The following ZNF354A variants were observed in gnomAD, a reference collection of about 807,000 sequenced individuals.
ZNF354A encodes the protein epididymis luminal protein 104.
In ZNF354A, 25 loss-of-function variants were observed where a neutral mutation model predicts 53.3. The ratio of observed to expected loss-of-function variants is 0.47; its 90% CI spans 0.34 to 0.66. The LOEUF is 0.66. Ranked by LOEUF, ZNF354A falls within the 30% of genes least tolerant of loss-of-function variation. ZNF354A has a pLI of 0.01. For missense variants in ZNF354A, 586 were observed against 716.8 expected (o/e 0.82, Z 2.08); for synonymous variants, 228 against 249.0 (o/e 0.92, Z 0.79).
chr5:178,722,936 G>A lies in ZNF354A; in HGVS notation c.256+2440C>T, dbSNP rs186401802. On this transcript the variant is annotated intron_variant, in intron 4 of 4. Coordinates refer to ENST00000335815, the MANE Select transcript of ZNF354A (RefSeq NM_005649.3). ...AAGGAAGTGAGCGAGCCACATGGAC[G>A]CATGACCGCCACGAAGAACAGTCCC... Among the ~76,000 whole-genome samples the A allele has an allele frequency of 2.3e-3, 354 of 152,312 alleles. 2 individuals carry two copies. Among genetic ancestry groups the A allele is most frequent in the Middle Eastern group, 6.8e-3 (2 of 294 alleles).
chr5:178,726,871 G>A, intron 3 of ZNF354A, 128 bp downstream of exon 3: 1 of 1,359,276 alleles, frequency 7.4e-7, no homozygotes, highest in Non-Finnish European at 1.0e-6. Context: ...TATTTATAAA[G>A]ATCTGATTTG....
chr5:178,713,506 C>A lies in ZNF354A; in HGVS notation c.372G>T (p.Lys124Asn). ...RNVPWDLKLE[K>N]PYIYEGRLEK... ...CTAATCTGCCTTCATATATGTAAGG[C>A]TTTTCTAATTTCAAATCCCAAGGTA... The change falls in exon 5 of 5, where the codon AAG (lysine) becomes AAT (asparagine). Residue 124 changes from lysine to asparagine, a missense_variant. Physicochemically the swap from Lys to Asn is moderately conservative, Grantham distance 94. This residue lies in a region of ZNF354A where 573 missense variants were observed against 680.1 expected (regional missense o/e 0.84). Coordinates refer to ENST00000335815, the MANE Select transcript of ZNF354A (RefSeq NM_005649.3). The A allele has an allele frequency of 1.2e-6, 2 of 1,613,504 alleles. No homozygotes were observed. The highest frequency in any genetic ancestry group is 8.5e-7 in the Non-Finnish European group (1 of 1,179,948).
chr5:178,718,916 A>T (rs749188003), intron 4 of ZNF354A, among the ~76,000 whole-genome samples: 25 of 152,160 alleles, frequency 1.6e-4, no homozygotes, highest in Non-Finnish European at 2.6e-4. Context: ...TATCTTGCGT[A>T]GTGACAGGGT....
At chr5:178,714,249 C>T (rs564629293) in intron 4 of ZNF354A, among the ~76,000 whole-genome samples, 281 of 152,096 alleles carry the variant, frequency 1.8e-3, no homozygotes, top group Non-Finnish European at 3.4e-3. Context: ...AAGTGATCTA[C>T]CCACCTCGGC....
Position 178,712,132 on chromosome 5 carries a change from T to G in ZNF354A, c.1746A>C (p.Thr582=). ...ACCTATGGTTGAAAAGTTTCCCACA[T>G]GTATTACATTCATAGGGTTTCTCTC... The part of the protein sequence containing the change: ...HTGEKPYECN[T]CGKLFNHRSS... The change falls in exon 5 of 5, where the codon ACA becomes ACC. Residue 582 remains threonine, a synonymous_variant. Transcript: ENST00000335815. 6.2e-7 allele frequency: 1 copy of G among 1,613,786 alleles called. No individual in the cohort carries two copies. The highest frequency in any genetic ancestry group is 8.5e-7 in the Non-Finnish European group (1 of 1,179,780).
At position 178,712,862 on chromosome 5, in the gene ZNF354A, G is replaced by A. The variant is rs374828273; in HGVS notation, c.1016C>T (p.Thr339Ile). The A allele has an allele frequency of 4.3e-6, 7 of 1,614,024 alleles. No individual in the cohort carries two copies. In the African/African-American group the frequency reaches 6.7e-5, roughly 15 times the overall value. ...NPGRKASSCS[T>I]SLSGCQRIHS... ...AATTCTTTGACATCCAGAAAGGGAT[G>A]TGCTGCAACTAGATGCCTTCCTACC... The change falls in exon 5 of 5, where the codon ACA (threonine) becomes ATA (isoleucine). Residue 339 changes from threonine to isoleucine, a missense_variant. Physicochemically the swap from Thr to Ile is moderately conservative, Grantham distance 89. Coordinates refer to ENST00000335815, the MANE Select transcript of ZNF354A (RefSeq NM_005649.3).
rs112871556 is a variant in ZNF354A at position 178,718,822 on chromosome 5, T to C, written c.257-5201A>G. ...ATCATAGCTCACTGCAGCCTCAAAC[T>C]CCAGGGCTCAAGCGATTCTCCCACC... On this transcript the variant is annotated intron_variant, in intron 4 of 4. Transcript: ENST00000335815. Among the ~76,000 whole-genome samples, 1,183 of 152,202 alleles carry C rather than the reference T, an allele frequency of 7.8e-3. 7 individuals are homozygous for C. Among genetic ancestry groups the C allele is most frequent in the African/African-American group, 0.026 (1,089 of 41,500 alleles).
At chr5:178,720,756 C>A (rs757325590) in intron 4 of ZNF354A, among the ~76,000 whole-genome samples, 1 of 152,194 alleles carries the variant, frequency 6.6e-6, no homozygotes, top group Admixed American at 6.5e-5. Flanking sequence ...TATGCTAGAG[C>A]ACATCCCAGA....
chr5:178,718,719 G>C (rs1765757985), intron 4 of ZNF354A, among the ~76,000 whole-genome samples: 1 of 152,072 alleles, frequency 6.6e-6, no homozygotes. Flanking sequence ...TCCCTAGGCA[G>C]TCATCAAAAT....
At chr5:178,716,752 C>T (rs1219164133) in intron 4 of ZNF354A, among the ~76,000 whole-genome samples, 1 of 151,906 alleles carries the variant, frequency 6.6e-6, no homozygotes, top group Non-Finnish European at 1.5e-5. Flanking sequence ...CAGAGTAGAG[C>T]GAGAAGAGGG....
At chr5:178,729,628 G>T (rs188159620) in intron 1 of ZNF354A, among the ~76,000 whole-genome samples, 1 of 151,328 alleles carries the variant, frequency 6.6e-6, no homozygotes, top group African/African-American at 2.4e-5. Context: ...GCAGGATCTC[G>T]GCTCACTGCA....
At position 178,713,339 on chromosome 5, in the gene ZNF354A, A is replaced by G; in HGVS notation, c.539T>C (p.Leu180Pro). 1 of 1,614,140 alleles carries G rather than the reference A, an allele frequency of 6.2e-7. No homozygotes were observed. Among genetic ancestry groups the G allele is most frequent in the African/African-American group, 1.3e-5 (1 of 75,044 alleles). ...PKSVLIRQQI[L>P]PREKTPPKCE... is the part of the protein sequence containing the mutation. ...TTTTGGTGGTGTTTTTTCTCTGGGA[A>G]GTATCTGTTGCCTAATAAGCACTGA... The change falls in exon 5 of 5, where the codon CTT becomes CCT. Residue 180 changes from leucine to proline, a missense_variant. This residue lies in a region of ZNF354A where 573 missense variants were observed against 680.1 expected (regional missense o/e 0.84). Coordinates refer to ENST00000335815, the MANE Select transcript of ZNF354A (RefSeq NM_005649.3).
Position 178,712,132 on chromosome 5 carries a change from T to C in ZNF354A, c.1746A>G (p.Thr582=). The change falls in exon 5 of 5, where the codon ACA becomes ACG. Residue 582 remains threonine (T), a synonymous_variant. Transcript: ENST00000335815. ...HTGEKPYECN[T]CGKLFNHRSS... ...ACCTATGGTTGAAAAGTTTCCCACA[T>C]GTATTACATTCATAGGGTTTCTCTC... 6.2e-7 allele frequency: 1 copy of C among 1,613,786 alleles called. No homozygotes were observed. Among genetic ancestry groups the C allele is most frequent in the Non-Finnish European group, 8.5e-7 (1 of 1,179,780 alleles).
intron 2 of ZNF354A, among the ~76,000 whole-genome samples, chr5:178,728,764 GGGCGACAAAGCGAGATTCAAAAAA>G (rs1363205419): frequency 1.6e-5 from 2 of 122,472 alleles, no homozygotes; most frequent in East Asian, 2.3e-4. Flanking sequence ...GCCACTGCCT[GGGCGACAAAGCGAGATTCAAAAAA>G]AAAAAAAAAA....
In ZNF354A at chr5:178,725,574, G is replaced by C. The variant is rs541198820; in HGVS notation, c.161-103C>G. ...CAGAACTCACAGGATGGTACAAAGAGCTTCTGTGTAGGGCTTCAGTTGTGC... is the reference window on the plus strand; with the variant it reads ...CAGAACTCACAGGATGGTACAAAGACCTTCTGTGTAGGGCTTCAGTTGTGC... On this transcript the variant is annotated intron_variant, in intron 3 of 4. Coordinates refer to ENST00000335815, the MANE Select transcript of ZNF354A (RefSeq NM_005649.3). 1.4e-5 allele frequency: 17 copies of C among 1,253,136 alleles called. No individual in the cohort carries two copies. In the African/African-American group the frequency reaches 2.4e-4, roughly 18 times the overall value. 77.6% of individuals were successfully genotyped at this position (1,253,136 alleles called of 1,614,324 possible).
chr5:178,715,979 C>G lies in ZNF354A; in HGVS notation c.257-2358G>C, dbSNP rs376874487. On this transcript the variant is annotated intron_variant, in intron 4 of 4. Transcript: ENST00000335815. The stretch of plus-strand genomic sequence containing the variant: ...TGGCGCGACCTCGGCTCACTGCAAC[C>G]TCCCCCTCCCAGGTTCAAGTGATTC... Among the ~76,000 whole-genome samples, 8 of 151,798 alleles carry G rather than the reference C, an allele frequency of 5.3e-5. 1 individual carries two copies. In the South Asian group the frequency reaches 1.3e-3, roughly 24 times the overall value.
intron 4 of ZNF354A, among the ~76,000 whole-genome samples, chr5:178,718,653 C>T (rs1581744513): frequency 6.6e-6 from 1 of 152,206 alleles, no homozygotes; most frequent in East Asian, 1.9e-4. Flanking sequence ...AAAATGACAC[C>T]ATCATCTCTT....
chr5:178,716,667 G>GCT (rs1385078429), intron 4 of ZNF354A, among the ~76,000 whole-genome samples: 1 of 152,170 alleles, frequency 6.6e-6, no homozygotes, highest in Non-Finnish European at 1.5e-5. Flanking sequence ...TGAAGAAAGT[G>GCT]CTCAAGAGCT....
rs778747174 is a variant in ZNF354A, at chr5:178,712,636, T to C, written c.1242A>G (p.Glu414=). Reference sequence around the variant, plus strand: ...AAATAGAAGTAAAGCCTTTCCCACATTCATTGCATCTATAGGGCTTTTCTC... The same window carrying C: ...AAATAGAAGTAAAGCCTTTCCCACACTCATTGCATCTATAGGGCTTTTCTC... ...HTGEKPYRCN[E]CGKGFTSISR... is the part of the protein sequence containing the mutation. The change falls in exon 5 of 5, where the codon GAA becomes GAG. Residue 414 remains glutamate, a synonymous_variant. Coordinates refer to ENST00000335815, the MANE Select transcript of ZNF354A (RefSeq NM_005649.3). 15 of 1,614,080 alleles carry C rather than the reference T, an allele frequency of 9.3e-6. No individual in the cohort carries two copies. In the East Asian group the frequency reaches 1.3e-4, roughly 14 times the overall value.
Sources: gnomAD v4.1 joint callset for allele counts (sites outside exome capture counted in the v4.1 genomes callset) on GRCh38, gnomAD v4.1.1 for gene constraint, gnomAD v4.1.1 regional missense constraint, MANE v1.5 for transcripts, NCBI Gene and HGNC (gene_info 2026-07-23, HGNC 2026-07-21) for gene names.